MAST2: variants seen among roughly 807,000 people sequenced by gnomAD.
MAST2 encodes microtubule-associated serine/threonine-protein kinase 2.
Under a neutral mutation model 147.4 loss-of-function variants are expected in MAST2, and 70 were observed. That is an observed-to-expected ratio of 0.47 (90% CI 0.39 to 0.58). MAST2 has a LOEUF of 0.58. MAST2 is among the 20% of genes least tolerant of loss of function. The pLI is 0.00. For synonymous variants in MAST2, 869 were observed against 896.8 expected, an observed-to-expected ratio of 0.97 and a Z score of 0.55; for missense variants, 2,080 against 2,302.3, an observed-to-expected ratio of 0.90 and a Z score of 1.98.
chr1:45,893,709 A>T (rs1469209805), intron 4 of MAST2, among the ~76,000 whole-genome samples: 2 of 152,150 alleles, frequency 1.3e-5, no homozygotes, highest in Non-Finnish European at 2.9e-5. Flanking sequence ...ACAAATCTCT[A>T]GGAGTTTTCT....
At chr1:45,966,884 TA>T in intron 5 of MAST2, among the ~76,000 whole-genome samples, 1 of 128,614 alleles carries the variant, frequency 7.8e-6, no homozygotes, top group Non-Finnish European at 1.6e-5. Context: ...TTTTTTTTTT[TA>T]AGGCAGGGTC....
At chr1:45,887,795 A>G (rs1457082055) in intron 4 of MAST2, among the ~76,000 whole-genome samples, 6 of 152,194 alleles carry the variant, frequency 3.9e-5, no homozygotes, top group Admixed American at 2.0e-4. Context: ...AAATTTTGCA[A>G]TCTTTCAAGA....
chr1:45,910,025 A>G (rs1463576856), intron 4 of MAST2, among the ~76,000 whole-genome samples: 1 of 151,810 alleles, frequency 6.6e-6, no homozygotes, highest in Non-Finnish European at 1.5e-5. Flanking sequence ...GTGCCCAGCT[A>G]CTTGTCTTTT....
intron 4 of MAST2, among the ~76,000 whole-genome samples, chr1:45,933,237 GC>G (rs1445179484): frequency 7.0e-5 from 5 of 71,312 alleles, no homozygotes; most frequent in African/African-American, 2.0e-4. Context: ...AAAAAAAAAA[GC>G]GGGGGGGTTG....
At chr1:45,820,893 C>CTTTTTTTTTTTTTTTTTTTTTTTTT (rs769508054) in intron 1 of MAST2, among the ~76,000 whole-genome samples, 3 of 43,074 alleles carry the variant, frequency 7.0e-5, no homozygotes, top group African/African-American at 2.0e-4. Context: ...CTTTCTTTCT[C>CTTTTTTTTTTTTTTTTTTTTTTTTT]TTTTTTTTTT....
intron 3 of MAST2, chr1:45,865,040 A>G (rs1402786157): frequency 6.7e-6 from 3 of 447,746 alleles, no homozygotes; most frequent in African/African-American, 4.1e-5. Flanking sequence ...TTTATCCAGC[A>G]GTAAGTAGGC....
chr1:46,006,108 G>A (rs1645475887), intron 7 of MAST2, 133 bp from the exon 8 acceptor site: 1 of 800,468 alleles, frequency 1.2e-6, no homozygotes, highest in Non-Finnish European at 2.0e-6. Flanking sequence ...CAAGGCTAAG[G>A]GAGTAGGGGA....
intron 7 of MAST2, among the ~76,000 whole-genome samples, chr1:46,005,362 C>CAAA (rs35830016): frequency 3.0e-5 from 3 of 101,182 alleles, no homozygotes; most frequent in African/African-American, 1.1e-4. Context: ...AACTCTGTCT[C>CAAA]AAAAAAAAAA....
chr1:45,844,048 A>T (rs1233875039), intron 3 of MAST2, among the ~76,000 whole-genome samples: 1 of 152,118 alleles, frequency 6.6e-6, no homozygotes, highest in Non-Finnish European at 1.5e-5. Flanking sequence ...GTGACGTCAA[A>T]TTTTTTTCTT....
At chr1:45,873,313 C>G (rs1200140508) in intron 3 of MAST2, among the ~76,000 whole-genome samples, 1 of 151,900 alleles carries the variant, frequency 6.6e-6, no homozygotes, top group Non-Finnish European at 1.5e-5. Flanking sequence ...CCACCTCGGT[C>G]CCCTGAATAG....
At chr1:45,868,823 A>G (rs184732631) in intron 3 of MAST2, among the ~76,000 whole-genome samples, 3 of 152,320 alleles carry the variant, frequency 2.0e-5, no homozygotes, top group Admixed American at 2.0e-4. Context: ...TCATTTTAAA[A>G]AGGCTGATGA....
At chr1:45,871,886 CT>C (rs1231753242) in intron 3 of MAST2, among the ~76,000 whole-genome samples, 2 of 152,054 alleles carry the variant, frequency 1.3e-5, no homozygotes, top group East Asian at 3.9e-4. Flanking sequence ...CAGAGAATAC[CT>C]TTTTTTCATC....
intron 4 of MAST2, among the ~76,000 whole-genome samples, chr1:45,889,412 CCT>C (rs1647320132): frequency 6.6e-6 from 1 of 151,798 alleles, no homozygotes; most frequent in Non-Finnish European, 1.5e-5. Context: ...GTCTCAAACT[CCT>C]GGGCTAAAAC....
At chr1:45,906,312 T>G (rs989794821) in intron 4 of MAST2, among the ~76,000 whole-genome samples, 4 of 152,152 alleles carry the variant, frequency 2.6e-5, no homozygotes, top group Non-Finnish European at 5.9e-5. Flanking sequence ...CCTGACCCTG[T>G]GTACACTTAG....
intron 6 of MAST2, among the ~76,000 whole-genome samples, chr1:46,001,928 A>G (rs1182377969): frequency 6.6e-6 from 1 of 152,160 alleles, no homozygotes; most frequent in Non-Finnish European, 1.5e-5. Context: ...TCTGTGAGTA[A>G]CAGCAAAAAA....
intron 3 of MAST2, among the ~76,000 whole-genome samples, chr1:45,855,629 T>C (rs1015187533): frequency 4.6e-5 from 7 of 152,124 alleles, no homozygotes; most frequent in African/African-American, 1.7e-4. Context: ...AATGATGTTG[T>C]ATTTTAAATT....
chr1:45,913,136 G>A (rs1276993344), intron 4 of MAST2, among the ~76,000 whole-genome samples: 2 of 152,272 alleles, frequency 1.3e-5, no homozygotes, highest in Middle Eastern at 3.4e-3. Context: ...ACAAAAAATG[G>A]CACTGAACTT....
rs552873077 is a variant in MAST2, at chr1:45,803,648, C to A, written c.-248C>A. 63 of 280,216 alleles carry A rather than the reference C, an allele frequency of 2.2e-4. No individual in the cohort carries two copies. The South Asian group carries it at 9.6e-3, about 43-fold the overall frequency. The allele number at this position is 280,216 out of a possible 1,614,324, so 17.4% of individuals were successfully genotyped here. The stretch of plus-strand genomic sequence containing the variant: ...GCTGAGCCGGCGGCGGGTGGCCTGC[C>A]CAACGTGTGCTGGGTGGGAGAAGGC... On this transcript the variant is annotated 5_prime_UTR_variant, in exon 1 of 29. Transcript: ENST00000361297.
intron 3 of MAST2, among the ~76,000 whole-genome samples, chr1:45,850,836 C>CT (rs35427966): frequency 0.016 from 1,839 of 113,526 alleles, 31 homozygotes; most frequent in African/African-American, 0.048. Context: ...CAGTACTATG[C>CT]TTTTTTTTTT....
Sources: gnomAD v4.1 joint callset for allele counts (sites outside exome capture counted in the v4.1 genomes callset) on GRCh38, gnomAD v4.1.1 for gene constraint, MANE v1.5 for transcripts, NCBI Gene and HGNC (gene_info 2026-07-23, HGNC 2026-07-21) for gene names.